GORASP2: variants seen among roughly 807,000 people sequenced by gnomAD.
GORASP2 encodes Golgi reassembly-stacking protein 2.
In GORASP2, 22 loss-of-function variants were observed where a neutral mutation model predicts 45.7. The observed-to-expected ratio is 0.48, with a 90% CI of 0.34 to 0.69. The LOEUF (loss-of-function observed/expected upper bound fraction) is 0.69, where lower values mean the gene tolerates loss of function less well. GORASP2 is among the 30% of genes least tolerant of loss of function. The pLI, the probability that GORASP2 is intolerant of heterozygous loss-of-function variation, is 0.01. For synonymous variants in GORASP2, 221 were observed against 215.6 expected (o/e 1.02, Z -0.22); for missense variants, 491 against 562.7 (o/e 0.87, Z 1.29).
At position 170,949,660 on chromosome 2, in the gene GORASP2, T is replaced by C. The variant is rs1174780915; in HGVS notation, c.266T>C (p.Leu89Pro). ...LRETSVTPSNLWGGQGLLGVS... is the reference protein window; with the variant it reads ...LRETSVTPSNPWGGQGLLGVS... Reference sequence around the variant, plus strand: ...GAGACCTCAGTCACACCAAGTAACCTGTGGGGCGGCCAGGGCTTATTGGGA... The same window carrying C: ...GAGACCTCAGTCACACCAAGTAACCCGTGGGGCGGCCAGGGCTTATTGGGA... Residue 89 changes from leucine (L) to proline (P), a missense_variant, in exon 3 of 10, where the codon CTG becomes CCG. Around this residue, in one of 2 missense-constraint regions of GORASP2, gnomAD observed 194 missense variants for 270.4 expected, o/e 0.72. Transcript: ENST00000234160. 1.2e-6 allele frequency: 2 copies of C among 1,614,090 alleles called. No homozygotes were observed. The highest frequency in any genetic ancestry group is 1.7e-6 in the Non-Finnish European group (2 of 1,179,960).
At chr2:170,937,360 C>T (rs1341409665) in intron 1 of GORASP2, among the ~76,000 whole-genome samples, 1 of 152,166 alleles carries the variant, frequency 6.6e-6, no homozygotes, top group African/African-American at 2.4e-5. Context: ...AGGTGCGTAC[C>T]ACCACAGCTG....
At chr2:170,946,752 T>G (rs1704188309) in intron 1 of GORASP2, among the ~76,000 whole-genome samples, 2 of 117,804 alleles carry the variant, frequency 1.7e-5, no homozygotes, top group African/African-American at 3.2e-5. Flanking sequence ...GCCAACATGG[T>G]GAAACCATGC....
chr2:170,963,903 C>G (rs1003525313), intron 9 of GORASP2, among the ~76,000 whole-genome samples: 2 of 152,116 alleles, frequency 1.3e-5, no homozygotes, highest in Non-Finnish European at 2.9e-5. Flanking sequence ...CTTTGGCCTC[C>G]CAGTGTGCTG....
chr2:170,966,001 C>G lies in GORASP2; in HGVS notation c.1230C>G (p.Leu410=). The change falls in exon 10 of 10, where the codon CTC becomes CTG. Residue 410 remains leucine, a synonymous_variant. Coordinates refer to ENST00000234160, the MANE Select transcript of GORASP2 (RefSeq NM_015530.5). ...CAAAGGCAGACGCTGCCTCCTCACTCACTGTGGATGTGACGCCCCCCACTG... is the reference window on the plus strand; with the variant it reads ...CAAAGGCAGACGCTGCCTCCTCACTGACTGTGGATGTGACGCCCCCCACTG... ...TTAKADAASS[L]TVDVTPPTAK... The G allele has an allele frequency of 6.2e-7, 1 of 1,613,982 alleles. No individual in the cohort carries two copies. Among genetic ancestry groups the G allele is most frequent in the Non-Finnish European group, 8.5e-7 (1 of 1,179,886 alleles).
chr2:170,930,733 A>G (rs370993995), intron 1 of GORASP2, among the ~76,000 whole-genome samples: 1 of 152,060 alleles, frequency 6.6e-6, no homozygotes, highest in Non-Finnish European at 1.5e-5. Flanking sequence ...CCAAACACCC[A>G]AGAGCCACAC....
intron 9 of GORASP2, among the ~76,000 whole-genome samples, chr2:170,963,627 G>A (rs1401345769): frequency 6.6e-6 from 1 of 151,758 alleles, no homozygotes. Context: ...TCAGCTGGCT[G>A]GGCTTGTATT....
rs574717941 is a variant in GORASP2 at position 170,942,784 on chromosome 2, C to T, written c.64-5566C>T. ...TGTAACATTTTGAGGATCTGCCAAA[C>T]TGTTTTCCACAGCGGCTACACCATT... On this transcript the variant is annotated intron_variant, in intron 1 of 9. Transcript: ENST00000234160. Among the ~76,000 whole-genome samples, 9 of 152,332 alleles carry T rather than the reference C, an allele frequency of 5.9e-5. No individual in the cohort carries two copies. The East Asian group carries it at 1.7e-3, about 29-fold the overall frequency.
chr2:170,962,979 C>A, intron 9 of GORASP2, 33 bp downstream of exon 9: 2 of 1,416,178 alleles, frequency 1.4e-6, no homozygotes, highest in South Asian at 1.1e-5. Flanking sequence ...CTAGGACTCT[C>A]TCTAATAAAA....
At chr2:170,955,444 G>T (rs1027789618) in intron 6 of GORASP2, among the ~76,000 whole-genome samples, 1 of 152,214 alleles carries the variant, frequency 6.6e-6, no homozygotes, top group Non-Finnish European at 1.5e-5. Context: ...AGATACTTGA[G>T]CAGGCTTACA....
intron 1 of GORASP2, among the ~76,000 whole-genome samples, chr2:170,932,431 C>T (rs1179163000): frequency 6.6e-6 from 1 of 152,138 alleles, no homozygotes; most frequent in Admixed American, 6.5e-5. Context: ...TAAGGAGTAC[C>T]TCCTGGTGTT....
intron 1 of GORASP2, among the ~76,000 whole-genome samples, chr2:170,934,244 C>T (rs1703892230): frequency 6.7e-6 from 1 of 150,334 alleles, no homozygotes; most frequent in Non-Finnish European, 1.5e-5. Context: ...AAACTCATAC[C>T]CTGTTTTTTT....
chr2:170,944,564 A>C (rs74787521), intron 1 of GORASP2, among the ~76,000 whole-genome samples: 1,603 of 152,296 alleles, frequency 0.011, 30 homozygotes, highest in African/African-American at 0.036. Flanking sequence ...TTATAGGAAA[A>C]ATACTTCTGA....
chr2:170,961,786 A>T, intron 8 of GORASP2, 37 bp downstream of exon 8: 4 of 931,454 alleles, frequency 4.3e-6, no homozygotes, highest in Non-Finnish European at 7.2e-6. Flanking sequence ...GCTGATAATA[A>T]CAGTATTACT....
intron 1 of GORASP2, among the ~76,000 whole-genome samples, chr2:170,939,828 T>C (rs1211508755): frequency 1.3e-5 from 2 of 152,218 alleles, no homozygotes; most frequent in Non-Finnish European, 2.9e-5. Flanking sequence ...CTTTTTATTA[T>C]ATCACATTCC....
intron 1 of GORASP2, among the ~76,000 whole-genome samples, chr2:170,935,931 C>T (rs1703939931): frequency 6.6e-6 from 1 of 152,120 alleles, no homozygotes; most frequent in Non-Finnish European, 1.5e-5. Flanking sequence ...GCGCTATCAT[C>T]CTCAGGATTC....
Position 170,961,751 on chromosome 2 carries a change from T to A in GORASP2, c.910+2T>A. The A allele has an allele frequency of 6.7e-7, 1 of 1,481,720 alleles. No individual in the cohort carries two copies. The highest frequency in any genetic ancestry group is 9.4e-7 in the Non-Finnish European group (1 of 1,059,050). 91.8% of individuals were successfully genotyped at this position (1,481,720 alleles called of 1,614,324 possible). On this transcript the variant is annotated splice_donor_variant, in intron 8 of 9. Transcript: ENST00000234160. LOFTEE classifies it high-confidence loss of function. ...TGAATCCAGCTACTACATTACCAGG[T>A]AACCACCAGGGGACTAGAGATGTGG...
intron 1 of GORASP2, 83 bp from the exon 2 acceptor site, chr2:170,948,267 T>C (rs1704222961): frequency 6.4e-6 from 5 of 785,744 alleles, no homozygotes; most frequent in Admixed American, 2.1e-5. Flanking sequence ...GAAATTGGTC[T>C]ATTTTTACTG....
chr2:170,929,903 A>AC (rs1461608261), intron 1 of GORASP2: 1 of 397,624 alleles, frequency 2.5e-6, no homozygotes, highest in East Asian at 1.1e-4. Context: ...GGCCTGAAAG[A>AC]CCAGCAGGGC....
chr2:170,945,237 G>A (rs565784573), intron 1 of GORASP2, among the ~76,000 whole-genome samples: 3 of 152,164 alleles, frequency 2.0e-5, no homozygotes, highest in African/African-American at 7.2e-5. Flanking sequence ...GAGATGGGAG[G>A]ATCACTTGAG....
Sources: allele counts gnomAD v4.1 joint callset (sites outside exome capture counted in the v4.1 genomes callset), GRCh38; gene constraint gnomAD v4.1.1; regional missense constraint gnomAD v4.1.1; transcripts MANE v1.5; gene names NCBI Gene and HGNC (gene_info 2026-07-23, HGNC 2026-07-21).